Variants in ARB2A observed in about 807,000 individuals in gnomAD.
The protein encoded by ARB2A is cotranscriptional regulator ARB2A.
chr5:93,821,608 T>C, the ARB2A span, among the ~76,000 whole-genome samples: 1 of 152,090 alleles, frequency 6.6e-6, no homozygotes, highest in African/African-American at 2.4e-5. Context: ...AATTTGCTTT[T>C]GCCTAAAACT....
chr5:93,851,816 G>C, the ARB2A span, among the ~76,000 whole-genome samples: 2 of 152,090 alleles, frequency 1.3e-5, no homozygotes, highest in African/African-American at 2.4e-5. Context: ...GTATTCCATG[G>C]TGTATATATG....
At chr5:93,751,841 A>G in the ARB2A span, among the ~76,000 whole-genome samples, 1 of 152,136 alleles carries the variant, frequency 6.6e-6, no homozygotes, top group Non-Finnish European at 1.5e-5. Context: ...GCAGGCTGAG[A>G]GGGTTTACAT....
chr5:93,655,533 T>C, the ARB2A span, among the ~76,000 whole-genome samples: 1 of 152,192 alleles, frequency 6.6e-6, no homozygotes, highest in African/African-American at 2.4e-5. Flanking sequence ...TTTCCTCTGG[T>C]GCCCAGCATC....
chr5:93,964,424 T>C, the ARB2A span: 1 of 1,418,330 alleles, frequency 7.1e-7, no homozygotes, highest in South Asian at 1.3e-5. Context: ...AAACATTTCA[T>C]TTGAAATAAA....
chr5:93,952,887 T>A, the ARB2A span, among the ~76,000 whole-genome samples: 1 of 152,186 alleles, frequency 6.6e-6, no homozygotes, highest in Admixed American at 6.5e-5. Flanking sequence ...ATAGCTTGTC[T>A]TGAAGCTCAC....
the ARB2A span, chr5:93,741,758 C>T: frequency 1.8e-6 from 1 of 561,326 alleles, no homozygotes. Context: ...GAGTGAGCCC[C>T]CTACCCTGAC....
the ARB2A span, among the ~76,000 whole-genome samples, chr5:94,018,680 G>T: frequency 1.9e-3 from 295 of 152,098 alleles, 1 homozygote; most frequent in African/African-American, 6.5e-3. Context: ...CACATCCCTT[G>T]TAAGTTGTAT....
the ARB2A span, among the ~76,000 whole-genome samples, chr5:93,680,281 A>G: frequency 6.6e-6 from 1 of 152,144 alleles, no homozygotes; most frequent in African/African-American, 2.4e-5. Flanking sequence ...TTATAAGAAT[A>G]TATTTCCAAT....
At chr5:93,774,816 T>C in the ARB2A span, among the ~76,000 whole-genome samples, 1 of 152,162 alleles carries the variant, frequency 6.6e-6, no homozygotes, top group Admixed American at 6.5e-5. Context: ...TAAGGTGTCA[T>C]TAAACAGAAA....
At chr5:94,044,522 C>T in the ARB2A span, among the ~76,000 whole-genome samples, 38 of 152,224 alleles carry the variant, frequency 2.5e-4, no homozygotes, top group African/African-American at 8.9e-4. Context: ...GATAGATCTT[C>T]ATCCCTCTGC....
At chr5:93,838,069 A>G in the ARB2A span, among the ~76,000 whole-genome samples, 2 of 152,124 alleles carry the variant, frequency 1.3e-5, no homozygotes, top group Admixed American at 6.5e-5. Flanking sequence ...CTTTGTCTTG[A>G]AATCTTTGCC....
the ARB2A span, among the ~76,000 whole-genome samples, chr5:94,026,775 C>T: frequency 1.3e-5 from 2 of 152,148 alleles, no homozygotes; most frequent in Admixed American, 1.3e-4. Flanking sequence ...TGGGTTTAAA[C>T]TGTCTTTGGC....
At chr5:93,698,096 G>T in the ARB2A span, among the ~76,000 whole-genome samples, 3 of 152,152 alleles carry the variant, frequency 2.0e-5, no homozygotes, top group African/African-American at 7.2e-5. Flanking sequence ...GGCTCAGGGA[G>T]GTTGAAGTAT....
the ARB2A span, among the ~76,000 whole-genome samples, chr5:93,938,645 A>G: frequency 6.6e-6 from 1 of 152,316 alleles, no homozygotes; most frequent in East Asian, 1.9e-4. Context: ...AGCAAGTCTG[A>G]ATTTCACCGT....
At chr5:93,695,079 A>T in the ARB2A span, among the ~76,000 whole-genome samples, 2 of 152,250 alleles carry the variant, frequency 1.3e-5, no homozygotes, top group Non-Finnish European at 2.9e-5. Context: ...CTAAATCCAT[A>T]AAAATCCCAG....
At chr5:93,974,415 G>C in the ARB2A span, among the ~76,000 whole-genome samples, 1 of 151,930 alleles carries the variant, frequency 6.6e-6, no homozygotes, top group Non-Finnish European at 1.5e-5. Flanking sequence ...CAAATAAATA[G>C]GCACCCAACA....
chr5:93,874,838 AC>A, the ARB2A span, among the ~76,000 whole-genome samples: 2 of 152,236 alleles, frequency 1.3e-5, no homozygotes, highest in South Asian at 2.1e-4. Context: ...CAGAGAAAAC[AC>A]CCCAGAAAGA....
chr5:93,714,670 T>C, the ARB2A span, among the ~76,000 whole-genome samples: 1 of 152,202 alleles, frequency 6.6e-6, no homozygotes, highest in African/African-American at 2.4e-5. Context: ...CCCTTCAGAA[T>C]TTTTACAAGG....
chr5:93,632,022 C>T, the ARB2A span, among the ~76,000 whole-genome samples: 1 of 152,076 alleles, frequency 6.6e-6, no homozygotes, highest in African/African-American at 2.4e-5. Context: ...CTGTGATTGA[C>T]TAATTCGTAC....
Sources: gnomAD v4.1 joint callset for allele counts (sites outside exome capture counted in the v4.1 genomes callset) on GRCh38, gnomAD v4.1.1 for gene constraint, MANE v1.5 for transcripts, NCBI Gene and HGNC (gene_info 2026-07-23, HGNC 2026-07-21) for gene names.